CPS1: variants seen among roughly 807,000 people sequenced by gnomAD.
CPS1 encodes carbamoyl-phosphate synthase 1, also known as carbamoyl-phosphate synthase [ammonia], mitochondrial.
In CPS1, 109 loss-of-function variants were observed where a neutral mutation model predicts 174.6. The observed-to-expected ratio is 0.62, with a 90% CI of 0.53 to 0.73. The LOEUF is 0.73. CPS1 is among the 30% of genes least tolerant of loss of function. The pLI, the probability that CPS1 is intolerant of heterozygous loss-of-function variation, is 0.00. For synonymous variants in CPS1, 637 were observed against 632.0 expected (o/e 1.01, Z -0.12); for missense variants, 1,689 against 1,821.9 (o/e 0.93, Z 1.33).
At chr2:210,660,398 G>A in intron 31 of CPS1, 87 bp from the exon 32 acceptor site, 4 of 1,333,022 alleles carry the variant, frequency 3.0e-6, no homozygotes, top group Non-Finnish European at 4.3e-6. Flanking sequence ...GTTAATAACA[G>A]CTGGAAACCA....
intron 13 of CPS1, among the ~76,000 whole-genome samples, chr2:210,598,973 C>T (rs146947742): frequency 7.8e-4 from 119 of 151,976 alleles, no homozygotes; most frequent in African/African-American, 2.4e-3. Flanking sequence ...AAGCAGCTTT[C>T]GTATTGCCTC....
In CPS1 at chr2:210,648,548, T is replaced by G; in HGVS notation, c.3404+8T>G. On this transcript the variant is annotated splice_region_variant and intron_variant, in intron 27 of 37. Transcript: ENST00000233072. Reference sequence around the variant, plus strand: ...GCCTTCCTATGTTTTGAGGTAACACTGTATATTGTTTTCCAAAACAATGAT... The same window carrying G: ...GCCTTCCTATGTTTTGAGGTAACACGGTATATTGTTTTCCAAAACAATGAT... 6.2e-7 allele frequency: 1 copy of G among 1,609,992 alleles called. No individual in the cohort carries two copies. The highest frequency in any genetic ancestry group is 8.5e-7 in the Non-Finnish European group (1 of 1,177,690).
intron 1 of CPS1, among the ~76,000 whole-genome samples, chr2:210,498,713 C>G (rs979118777): frequency 1.3e-5 from 2 of 152,154 alleles, no homozygotes; most frequent in Non-Finnish European, 2.9e-5. Flanking sequence ...GCCCCAAGTT[C>G]TCTGCATGGG....
At chr2:210,665,980 A>C (rs1701083503) in intron 33 of CPS1, among the ~76,000 whole-genome samples, 1 of 148,330 alleles carries the variant, frequency 6.7e-6, no homozygotes, top group Non-Finnish European at 1.5e-5. Context: ...CATCCTCTCC[A>C]GCACCTGTTG....
At chr2:210,579,316 A>AT (rs1350559543) in intron 4 of CPS1, among the ~76,000 whole-genome samples, 1 of 152,154 alleles carries the variant, frequency 6.6e-6, no homozygotes, top group Admixed American at 6.6e-5. Flanking sequence ...ACTACTCAAC[A>AT]TGGCCCTTCA....
At chr2:210,622,228 C>G (rs747528348) in intron 21 of CPS1, among the ~76,000 whole-genome samples, 2 of 151,496 alleles carry the variant, frequency 1.3e-5, no homozygotes, top group Non-Finnish European at 3.0e-5. Context: ...TATATACCTA[C>G]ATACTTAAAT....
At chr2:210,579,814 G>T (rs1697853507) in intron 5 of CPS1, 44 bp downstream of exon 5, 2 of 1,391,664 alleles carry the variant, frequency 1.4e-6, no homozygotes, top group Non-Finnish European at 2.0e-6. Context: ...CTTCGGGTGT[G>T]TGTGTGTGTG....
chr2:210,547,963 A>G (rs1696606385), intron 1 of CPS1, among the ~76,000 whole-genome samples: 1 of 152,068 alleles, frequency 6.6e-6, no homozygotes, highest in African/African-American at 2.4e-5. Context: ...ATAATAAGAT[A>G]AGTGTTAATT....
At chr2:210,663,262 T>A in intron 33 of CPS1, 65 bp downstream of exon 33, 4 of 1,436,704 alleles carry the variant, frequency 2.8e-6, no homozygotes, top group South Asian at 1.2e-5. Context: ...GTTTTATGAT[T>A]TGAATACAGT....
intron 34 of CPS1, chr2:210,674,597 C>CA (rs1459500264): frequency 2.6e-6 from 1 of 377,622 alleles, no homozygotes. Flanking sequence ...GGAAAAGGAT[C>CA]CTTGTAGAAC....
chr2:210,598,118 G>A (rs1698558645), intron 13 of CPS1, among the ~76,000 whole-genome samples: 1 of 151,546 alleles, frequency 6.6e-6, no homozygotes, highest in Non-Finnish European at 1.5e-5. Context: ...TTTAGGTCTG[G>A]GGGTTAACAT....
At chr2:210,599,635 C>A in intron 14 of CPS1, 74 bp downstream of exon 14, 1 of 1,493,912 alleles carries the variant, frequency 6.7e-7, no homozygotes, top group Non-Finnish European at 9.3e-7. Flanking sequence ...TTGAGCTCAT[C>A]TAACAATTGT....
chr2:210,671,310 C>T (rs933947491), intron 34 of CPS1, among the ~76,000 whole-genome samples: 5 of 152,096 alleles, frequency 3.3e-5, no homozygotes, highest in Non-Finnish European at 7.4e-5. Flanking sequence ...ACATGAATAA[C>T]CTTTTATCTT....
At chr2:210,534,258 T>A (rs1559065554) in intron 1 of CPS1, among the ~76,000 whole-genome samples, 1 of 152,160 alleles carries the variant, frequency 6.6e-6, no homozygotes, top group Non-Finnish European at 1.5e-5. Flanking sequence ...CCTGCAGTGA[T>A]TGATGGATGT....
intron 1 of CPS1, among the ~76,000 whole-genome samples, chr2:210,557,236 G>A (rs1029532075): frequency 2.0e-5 from 3 of 152,086 alleles, no homozygotes; most frequent in African/African-American, 7.2e-5. Flanking sequence ...ATGGTACACA[G>A]TGTGTTAAGG....
chr2:210,665,378 G>T (rs941675152), intron 33 of CPS1, among the ~76,000 whole-genome samples: 6 of 151,204 alleles, frequency 4.0e-5, no homozygotes, highest in African/African-American at 1.5e-4. Flanking sequence ...ACAATGTGCA[G>T]GTTAGTTACA....
chr2:210,556,578 T>C, upstream of CPS1: 1 of 1,485,916 alleles, frequency 6.7e-7, no homozygotes, highest in Admixed American at 2.4e-5. Flanking sequence ...AGACATTTAA[T>C]GGCAGAATGA....
At chr2:210,495,062 T>A (rs781485999) in intron 1 of CPS1, among the ~76,000 whole-genome samples, 1 of 152,216 alleles carries the variant, frequency 6.6e-6, no homozygotes, top group Non-Finnish European at 1.5e-5. Context: ...CAGCCAGGGT[T>A]GAAAATCATT....
chr2:210,637,234 G>A (rs1429425493), intron 21 of CPS1, among the ~76,000 whole-genome samples: 1 of 152,174 alleles, frequency 6.6e-6, no homozygotes, highest in Non-Finnish European at 1.5e-5. Context: ...CCCAAAACTA[G>A]TAAATGGTAG....
Sources: allele counts gnomAD v4.1 joint callset (sites outside exome capture counted in the v4.1 genomes callset), GRCh38; gene constraint gnomAD v4.1.1; transcripts MANE v1.5; gene names NCBI Gene and HGNC (gene_info 2026-07-23, HGNC 2026-07-21).